HSPA4: variants seen among roughly 807,000 people sequenced by gnomAD.
The protein encoded by HSPA4 is heat shock 70 kDa protein 4.
A neutral mutation model predicts 106.2 loss-of-function variants in HSPA4; 25 were observed. That is an observed-to-expected ratio of 0.24 (90% CI 0.17 to 0.33). The LOEUF (loss-of-function observed/expected upper bound fraction) is 0.33, where lower values mean the gene tolerates loss of function less well. Ranked by LOEUF, HSPA4 falls within the 10% of genes least tolerant of loss-of-function variation. The probability of loss-of-function intolerance (pLI) is 1.00; values close to 1 mark genes in which losing one functional copy is unlikely to be tolerated. For synonymous variants in HSPA4, 332 were observed against 333.6 expected, an observed-to-expected ratio of 1.00 and a Z score of 0.05; for missense variants, 841 against 996.0, an observed-to-expected ratio of 0.84 and a Z score of 2.10.
chr5:133,081,367 G>A (rs1443817717), intron 7 of HSPA4, among the ~76,000 whole-genome samples: 1 of 152,180 alleles, frequency 6.6e-6, no homozygotes. Flanking sequence ...TTTTAAAAAT[G>A]TGGCTTAACT....
chr5:133,061,355 C>G (rs1173943847), intron 1 of HSPA4, among the ~76,000 whole-genome samples: 1 of 151,988 alleles, frequency 6.6e-6, no homozygotes, highest in African/African-American at 2.4e-5. Context: ...ATTTCTTGAT[C>G]TCGTGATCCA....
At position 133,089,109 on chromosome 5, in the gene HSPA4, G is replaced by A. The variant is rs779974973; in HGVS notation, c.1192G>A (p.Val398Ile). ...CAGAGAATTTTCTATCACTGATGTA[G>A]TACCATATCCAATATCTCTGAGATG... ...KVREFSITDV[V>I]PYPISLRWNS... Residue 398 changes from valine (V) to isoleucine (I), a missense_variant, in exon 10 of 19, where the codon GTA becomes ATA. By Grantham distance (29) the Val-to-Ile change is conservative. Transcript: ENST00000304858. The A allele has an allele frequency of 5.1e-5, 82 of 1,605,068 alleles. No homozygotes were observed. The highest frequency in any genetic ancestry group is 6.7e-5 in the Non-Finnish European group (79 of 1,175,262).
chr5:133,084,170 ACTT>A (rs1463688912), intron 7 of HSPA4, among the ~76,000 whole-genome samples: 1 of 152,194 alleles, frequency 6.6e-6, no homozygotes. Context: ...CAATTCTGTA[ACTT>A]CTTGTAAGTG....
At chr5:133,077,328 C>T (rs974612612) in intron 7 of HSPA4, among the ~76,000 whole-genome samples, 3 of 152,096 alleles carry the variant, frequency 2.0e-5, no homozygotes, top group Admixed American at 6.6e-5. Flanking sequence ...AACCTCCACC[C>T]CCAGGTTCAA....
At chr5:133,101,109 C>G (rs902214470) in intron 16 of HSPA4, among the ~76,000 whole-genome samples, 4 of 152,194 alleles carry the variant, frequency 2.6e-5, no homozygotes, top group African/African-American at 7.2e-5. Context: ...CCTGACCAAG[C>G]ACATCTTAAT....
In HSPA4 at chr5:133,088,420, T is replaced by C. The variant is rs1581476946; in HGVS notation, c.1002T>C (p.Asp334=). Residue 334 remains aspartate (D), a synonymous_variant, in exon 9 of 19, where the codon GAT becomes GAC. Transcript: ENST00000304858. ...TAAAAATAGAGTTAAAGAAAGAAGA[T>C]ATTTATGCAGTGGAGATAGTTGGTG... The part of the protein sequence containing the change: ...VLEQTKLKKE[D]IYAVEIVGGA... 6.2e-7 allele frequency: 1 copy of C among 1,609,354 alleles called. No homozygotes were observed. The highest frequency in any genetic ancestry group is 2.2e-5 in the East Asian group (1 of 44,860).
At chr5:133,063,098 A>G (rs1416511553) in intron 1 of HSPA4, among the ~76,000 whole-genome samples, 5 of 145,274 alleles carry the variant, frequency 3.4e-5, no homozygotes, top group East Asian at 1.9e-4. Context: ...TTTATTTACT[A>G]TCTTTTTTTT....
At chr5:133,087,072 C>T (rs1426838313) in intron 8 of HSPA4, among the ~76,000 whole-genome samples, 1 of 152,158 alleles carries the variant, frequency 6.6e-6, no homozygotes, top group Non-Finnish European at 1.5e-5. Context: ...CTCCAAGAAA[C>T]TGAATTCAGA....
chr5:133,089,862 C>T (rs1765623321), intron 11 of HSPA4, among the ~76,000 whole-genome samples, 167 bp downstream of exon 11: 1 of 151,340 alleles, frequency 6.6e-6, no homozygotes, highest in Non-Finnish European at 1.5e-5. Context: ...TAAACAACAA[C>T]AAAAAAAAGC....
At chr5:133,069,047 A>G (rs1419073213) in intron 3 of HSPA4, among the ~76,000 whole-genome samples, 1 of 152,178 alleles carries the variant, frequency 6.6e-6, no homozygotes, top group East Asian at 1.9e-4. Context: ...GTGGCACGCA[A>G]GCTTGAGTTA....
Position 133,052,263 on chromosome 5 carries a change from G to A in HSPA4, c.13G>A (p.Gly5Ser). The change falls in exon 1 of 19, where the codon GGC becomes AGC. Residue 5 changes from glycine to serine, a missense_variant. This residue lies in a region of HSPA4 where 347 missense variants were observed against 408.7 expected (regional missense o/e 0.85). Coordinates refer to ENST00000304858, the MANE Select transcript of HSPA4 (RefSeq NM_002154.4). Reference protein sequence around the residue: MSVVGIDLGFQSCYV... With the variant: MSVVSIDLGFQSCYV... Reference sequence around the variant, plus strand: ...AGTAGCCGGCGCCATGTCGGTGGTGGGCATAGACCTGGGCTTCCAGAGCTG... The same window carrying A: ...AGTAGCCGGCGCCATGTCGGTGGTGAGCATAGACCTGGGCTTCCAGAGCTG... 6.3e-7 allele frequency: 1 copy of A among 1,591,816 alleles called. No homozygotes were observed. Among genetic ancestry groups the A allele is most frequent in the Non-Finnish European group, 8.5e-7 (1 of 1,172,576 alleles).
At chr5:133,103,648 T>C in intron 17 of HSPA4, among the ~76,000 whole-genome samples, 1 of 152,240 alleles carries the variant, frequency 6.6e-6, no homozygotes, top group East Asian at 1.9e-4. Flanking sequence ...TGATACCTTA[T>C]GAATTTTCTT....
chr5:133,068,176 G>A (rs926709679), intron 3 of HSPA4, among the ~76,000 whole-genome samples: 1 of 152,180 alleles, frequency 6.6e-6, no homozygotes, highest in Non-Finnish European at 1.5e-5. Context: ...ACAGGCGTGA[G>A]CCACCGCACC....
intron 13 of HSPA4, 140 bp downstream of exon 13, chr5:133,092,929 T>C (rs1765666917): frequency 3.6e-6 from 2 of 562,444 alleles, no homozygotes; most frequent in African/African-American, 2.0e-5. Flanking sequence ...CAAGTGATTC[T>C]CCTACCTCAG....
chr5:133,089,515 G>A, intron 10 of HSPA4, 47 bp from the exon 11 acceptor site: 1 of 1,584,256 alleles, frequency 6.3e-7, no homozygotes, highest in Non-Finnish European at 8.6e-7. Flanking sequence ...GGGTAAAAGT[G>A]TTAGGAATAT....
chr5:133,093,050 C>T (rs766630870), intron 13 of HSPA4, among the ~76,000 whole-genome samples: 1 of 148,524 alleles, frequency 6.7e-6, no homozygotes, highest in African/African-American at 2.5e-5. Context: ...AGGCAGGTCT[C>T]GAACTTCTGA....
At chr5:133,083,957 A>G (rs2078401982) in intron 7 of HSPA4, among the ~76,000 whole-genome samples, 1 of 152,246 alleles carries the variant, frequency 6.6e-6, no homozygotes, top group South Asian at 2.1e-4. Context: ...TTTGCATATT[A>G]ACCAGAATTC....
chr5:133,080,447 T>C (rs1047859367), intron 7 of HSPA4, among the ~76,000 whole-genome samples: 1 of 139,634 alleles, frequency 7.2e-6, no homozygotes, highest in African/African-American at 2.7e-5. Context: ...AAAAACCCAA[T>C]AATTTTACTA....
chr5:133,056,986 A>T lies in HSPA4; in HGVS notation c.107+4629A>T, dbSNP rs1463838946. Among the ~76,000 whole-genome samples the T allele has an allele frequency of 2.7e-5, 4 of 147,688 alleles. No individual in the cohort carries two copies. In the Admixed American group the frequency reaches 2.8e-4, roughly 10 times the overall value. ...CTATTACTTTTTGTATTTTTTATTAATTTTTTATGAGATTAGGACAGTAAG... is the reference window on the plus strand; with the variant it reads ...CTATTACTTTTTGTATTTTTTATTATTTTTTTATGAGATTAGGACAGTAAG... On this transcript the variant is annotated intron_variant, in intron 1 of 18. Coordinates refer to ENST00000304858, the MANE Select transcript of HSPA4 (RefSeq NM_002154.4).
Sources: gnomAD v4.1 joint callset for allele counts (sites outside exome capture counted in the v4.1 genomes callset) on GRCh38, gnomAD v4.1.1 for gene constraint, gnomAD v4.1.1 regional missense constraint, MANE v1.5 for transcripts, NCBI Gene and HGNC (gene_info 2026-07-23, HGNC 2026-07-21) for gene names.